The following FRS2 variants were observed in gnomAD, a reference collection of about 807,000 sequenced individuals.
FRS2 encodes FGFR signalling adaptor.
Under a neutral mutation model 43.9 loss-of-function variants are expected in FRS2, and 8 were observed. That is an observed-to-expected ratio of 0.18 (90% CI 0.11 to 0.33). The LOEUF (loss-of-function observed/expected upper bound fraction) is 0.33. Ranked by LOEUF, FRS2 falls within the 10% of genes least tolerant of loss-of-function variation. The probability of loss-of-function intolerance (pLI) is 1.00; values close to 1 mark genes in which losing one functional copy is unlikely to be tolerated. For missense variants in FRS2, 534 were observed against 627.6 expected, an observed-to-expected ratio of 0.85 and a Z score of 1.59; for synonymous variants, 219 against 220.3, an observed-to-expected ratio of 0.99 and a Z score of 0.05.
intron 1 of FRS2, among the ~76,000 whole-genome samples, chr12:69,522,206 G>T (rs1875740378): frequency 7.1e-6 from 1 of 140,998 alleles, no homozygotes; most frequent in African/African-American, 2.7e-5. Flanking sequence ...GTGTGTGTGT[G>T]TGTGTGTGTG....
chr12:69,519,782 A>G (rs762847860), intron 1 of FRS2, among the ~76,000 whole-genome samples: 20 of 152,168 alleles, frequency 1.3e-4, no homozygotes, highest in Non-Finnish European at 2.6e-4. Context: ...TTGTATATGT[A>G]CCACATTTTC....
intron 1 of FRS2, among the ~76,000 whole-genome samples, chr12:69,517,381 A>G (rs965119030): frequency 1.4e-4 from 21 of 152,230 alleles, no homozygotes; most frequent in African/African-American, 4.6e-4. Context: ...ATGTATATGC[A>G]GATATTCCAA....
intron 3 of FRS2, among the ~76,000 whole-genome samples, chr12:69,551,117 C>T (rs575813749): frequency 3.3e-5 from 5 of 152,212 alleles, no homozygotes; most frequent in Admixed American, 6.5e-5. Context: ...TTTGGGAGGC[C>T]GAGGCAGGAG....
At chr12:69,547,388 G>A (rs1878499916) in intron 3 of FRS2, among the ~76,000 whole-genome samples, 1 of 152,120 alleles carries the variant, frequency 6.6e-6, no homozygotes, top group Admixed American at 6.5e-5. Flanking sequence ...TTGAGCCTAG[G>A]ATGTCAAGGC....
At chr12:69,537,294 G>A (rs1273027797) in intron 3 of FRS2, among the ~76,000 whole-genome samples, 1 of 151,662 alleles carries the variant, frequency 6.6e-6, no homozygotes, top group Non-Finnish European at 1.5e-5. Context: ...TGTTTTCTTG[G>A]CTTATTGTTC....
At position 69,574,865 on chromosome 12, in the gene FRS2, T is replaced by C. The variant is rs1013336651; in HGVS notation, c.1437T>C (p.Thr479=). ...ATGCCGTGATAGACATCGAGAGAAC[T>C]GCTGCTATGTCAAATTTGCAGAAAG... The part of the protein sequence containing the change: ...ELYAVIDIER[T]AAMSNLQKAL... The change falls in exon 9 of 9, where the codon ACT becomes ACC. Residue 479 remains threonine, a synonymous_variant. Coordinates refer to ENST00000549921, the MANE Select transcript of FRS2 (RefSeq NM_001278356.2). 9 of 1,613,808 alleles carry C rather than the reference T, an allele frequency of 5.6e-6. No homozygotes were observed. The highest frequency in any genetic ancestry group is 3.3e-5 in the Admixed American group (2 of 59,998).
In FRS2 at chr12:69,576,589, A is replaced by G. The variant is rs1881208300; in HGVS notation, c.*1634A>G. The G allele has an allele frequency of 6.6e-6, 1 of 152,212 alleles. No homozygotes were observed. Among genetic ancestry groups the G allele is most frequent in the Non-Finnish European group, 1.5e-5 (1 of 68,038 alleles). 9.4% of individuals were successfully genotyped at this position (152,212 alleles called of 1,614,324 possible). ...TATAACTAAGGTTAATTTAGCATGAAAAAGTTTTAGTCATATTGGCATCCA... is the reference window on the plus strand; with the variant it reads ...TATAACTAAGGTTAATTTAGCATGAGAAAGTTTTAGTCATATTGGCATCCA... On this transcript the variant is annotated 3_prime_UTR_variant, in exon 9 of 9. Coordinates refer to ENST00000549921, the MANE Select transcript of FRS2 (RefSeq NM_001278356.2).
chr12:69,568,559 C>G (rs1880486457), intron 4 of FRS2, among the ~76,000 whole-genome samples: 1 of 151,552 alleles, frequency 6.6e-6, no homozygotes, highest in Admixed American at 6.6e-5. Context: ...CTGGCTGTCT[C>G]TCTCTCTCTC....
rs1357518949 is a variant in FRS2 at position 69,578,923 on chromosome 12, C to T, written c.*3968C>T. Reference sequence around the variant, plus strand: ...TTTCTTTTATAAACATTCCATATTTCTCTAATAAAAAGACATAAGTGATAC... The same window carrying T: ...TTTCTTTTATAAACATTCCATATTTTTCTAATAAAAAGACATAAGTGATAC... On this transcript the variant is annotated 3_prime_UTR_variant, in exon 9 of 9. Coordinates refer to ENST00000549921, the MANE Select transcript of FRS2 (RefSeq NM_001278356.2). 2 of 152,460 alleles carry T rather than the reference C, an allele frequency of 1.3e-5. No homozygotes were observed. The highest frequency in any genetic ancestry group is 6.6e-5 in the Admixed American group (1 of 15,256). 9.4% of individuals were successfully genotyped at this position (152,460 alleles called of 1,614,324 possible). A position where few individuals can be genotyped will look rare whatever the true frequency, so the allele number is the denominator to read the frequency against.
At chr12:69,488,169 T>A (rs952537360) in intron 1 of FRS2, among the ~76,000 whole-genome samples, 9 of 152,198 alleles carry the variant, frequency 5.9e-5, no homozygotes, top group Non-Finnish European at 2.9e-5. Flanking sequence ...ATGACTCCAA[T>A]TTTGAAAGAA....
chr12:69,485,918 G>T (rs1871897934), intron 1 of FRS2, among the ~76,000 whole-genome samples: 1 of 152,102 alleles, frequency 6.6e-6, no homozygotes, highest in Admixed American at 6.6e-5. Context: ...GAAAATGCTG[G>T]TTACAAGGAA....
intron 1 of FRS2, among the ~76,000 whole-genome samples, chr12:69,481,910 A>T (rs1871375862): frequency 6.6e-6 from 1 of 152,082 alleles, no homozygotes; most frequent in African/African-American, 2.4e-5. Flanking sequence ...AACTTCGGTC[A>T]AGATATAGTC....
chr12:69,542,801 T>C (rs1192022228), intron 3 of FRS2, among the ~76,000 whole-genome samples: 10 of 152,228 alleles, frequency 6.6e-5, no homozygotes, highest in Non-Finnish European at 1.5e-5. Context: ...GGAAAAGCTG[T>C]AGGATGAGAA....
intron 1 of FRS2, among the ~76,000 whole-genome samples, chr12:69,487,699 G>A (rs797001799): frequency 9.2e-5 from 14 of 152,264 alleles, no homozygotes; most frequent in African/African-American, 3.4e-4. Flanking sequence ...AACACTATAG[G>A]TGCCATAGGT....
intron 3 of FRS2, among the ~76,000 whole-genome samples, chr12:69,538,948 G>A (rs1196368143): frequency 6.6e-6 from 1 of 152,056 alleles, no homozygotes; most frequent in Admixed American, 6.5e-5. Context: ...CCTCCTAGAT[G>A]CCATGACACC....
chr12:69,485,236 G>T (rs1249273981), intron 1 of FRS2, among the ~76,000 whole-genome samples: 1 of 152,062 alleles, frequency 6.6e-6, no homozygotes, highest in Non-Finnish European at 1.5e-5. Flanking sequence ...AGGCTGGAGT[G>T]CAGTGGCGCC....
chr12:69,545,059 A>G (rs538284384), intron 3 of FRS2, among the ~76,000 whole-genome samples: 4 of 152,334 alleles, frequency 2.6e-5, no homozygotes, highest in Admixed American at 2.0e-4. Flanking sequence ...TTCATTTACA[A>G]TAGCATCAAA....
At chr12:69,525,624 T>C (rs761297842) in intron 1 of FRS2, among the ~76,000 whole-genome samples, 15 of 152,160 alleles carry the variant, frequency 9.9e-5, no homozygotes, top group African/African-American at 1.7e-4. Flanking sequence ...AATTGGTATC[T>C]TGAGAACGCG....
chr12:69,481,345 A>G (rs1871331501), intron 1 of FRS2, among the ~76,000 whole-genome samples: 1 of 151,620 alleles, frequency 6.6e-6, no homozygotes, highest in Middle Eastern at 3.4e-3. Context: ...CAGTGGCACA[A>G]TCACAACTCA....
Sources: gnomAD v4.1 joint callset for allele counts (sites outside exome capture counted in the v4.1 genomes callset) on GRCh38, gnomAD v4.1.1 for gene constraint, MANE v1.5 for transcripts, NCBI Gene and HGNC (gene_info 2026-07-23, HGNC 2026-07-21) for gene names.